Variants in TP53TG5 observed in about 807,000 individuals in gnomAD.
TP53TG5 encodes the protein TP53 target 5, also known as TP53-target gene 5 protein.
In TP53TG5, 17 loss-of-function variants were observed where a neutral mutation model predicts 30.0. The observed-to-expected ratio is 0.57, with a 90% CI of 0.39 to 0.85. TP53TG5 has a LOEUF of 0.85. Ranked by LOEUF, TP53TG5 falls within the 40% of genes least tolerant of loss-of-function variation. TP53TG5 has a pLI of 0.00. For missense variants in TP53TG5, 338 were observed against 367.9 expected, an observed-to-expected ratio of 0.92 and a Z score of 0.67; for synonymous variants, 137 against 139.2, an observed-to-expected ratio of 0.98 and a Z score of 0.11.
At position 45,375,270 on chromosome 20, in the gene TP53TG5, G is replaced by T. The variant is rs767216821; in HGVS notation, c.537C>A (p.Thr179=). The change falls in exon 4 of 5, where the codon ACC becomes ACA. Residue 179 remains threonine (T), a synonymous_variant. Transcript: ENST00000372726. ...NPGVQGRQPL[T]EGPRVIFIKP... is the part of the protein sequence containing the mutation. ...TAATGAAGATGACTCGGGGGCCCTCGGTGAGTGGTTGCCTCCCCTGGACTC... is the reference window on the plus strand; with the variant it reads ...TAATGAAGATGACTCGGGGGCCCTCTGTGAGTGGTTGCCTCCCCTGGACTC... 6.2e-7 allele frequency: 1 copy of T among 1,614,146 alleles called. No homozygotes were observed. The highest frequency in any genetic ancestry group is 8.5e-7 in the Non-Finnish European group (1 of 1,180,022).
At position 45,375,241 on chromosome 20, in the gene TP53TG5, G is replaced by A. The variant is rs1428842962; in HGVS notation, c.566C>T (p.Pro189Leu). ...TEGPRVIFIK[P>L]YRNRTPMGHM... ...CCCCATGGGAGTTCTATTGCGGTAGGGCTTAATGAAGATGACTCGGGGGCC... is the reference window on the plus strand; with the variant it reads ...CCCCATGGGAGTTCTATTGCGGTAGAGCTTAATGAAGATGACTCGGGGGCC... Residue 189 changes from proline (P) to leucine (L), a missense_variant, in exon 4 of 5, where the codon CCC becomes CTC. Coordinates refer to ENST00000372726, the MANE Select transcript of TP53TG5 (RefSeq NM_014477.3). The A allele has an allele frequency of 6.2e-7, 1 of 1,614,038 alleles. No homozygotes were observed. Among genetic ancestry groups the A allele is most frequent in the Non-Finnish European group, 8.5e-7 (1 of 1,180,034 alleles).
intron 3 of TP53TG5, chr20:45,376,918 G>C: frequency 3.2e-6 from 1 of 313,666 alleles, no homozygotes; most frequent in Non-Finnish European, 6.0e-6. Flanking sequence ...AGTGCCCCAG[G>C]GTGAAGTGAG....
intron 4 of TP53TG5, chr20:45,374,824 C>G: frequency 1.6e-6 from 1 of 611,862 alleles, no homozygotes; most frequent in Admixed American, 3.1e-5. Flanking sequence ...CATCTCCTAG[C>G]TGTATCCTGA....
intron 4 of TP53TG5, chr20:45,374,541 G>A: frequency 1.9e-6 from 1 of 517,666 alleles, no homozygotes; most frequent in Non-Finnish European, 3.4e-6. Context: ...CAAGGTGCTG[G>A]GATTACAGGC....
chr20:45,374,252 T>C (rs1361082081), intron 4 of TP53TG5: 2 of 694,126 alleles, frequency 2.9e-6, no homozygotes, highest in Admixed American at 4.2e-5. Flanking sequence ...TAAGGAACTT[T>C]CTGCTCAGAG....
Position 45,375,667 on chromosome 20 carries a change from A to C in TP53TG5, c.255-115T>G, listed in dbSNP as rs567998114. ...TTAAGAAAGGCTAGAGGGGCCTGCA[A>C]AGAAACTTCTCTACTGCCCAGAGGC... is the stretch of plus-strand genomic sequence containing the variant. On this transcript the variant is annotated intron_variant, in intron 3 of 4. Coordinates refer to ENST00000372726, the MANE Select transcript of TP53TG5 (RefSeq NM_014477.3). The C allele has an allele frequency of 3.4e-4, 447 of 1,318,960 alleles. 2 individuals carry two copies. In the South Asian group the frequency reaches 6.2e-3, roughly 18 times the overall value. 81.7% of individuals were successfully genotyped at this position (1,318,960 alleles called of 1,614,324 possible).
intron 4 of TP53TG5, chr20:45,374,409 C>A: frequency 1.7e-6 from 1 of 598,054 alleles, no homozygotes; most frequent in South Asian, 2.1e-5. Context: ...GTAGCTGATA[C>A]TACAAGCGCA....
chr20:45,375,226 G>A lies in TP53TG5; in HGVS notation c.581C>T (p.Thr194Ile). 3.7e-6 allele frequency: 6 copies of A among 1,614,216 alleles called. No homozygotes were observed. The highest frequency in any genetic ancestry group is 5.1e-6 in the Non-Finnish European group (6 of 1,180,032). The change falls in exon 4 of 5, where the codon ACT becomes ATT. Residue 194 changes from threonine (T) to isoleucine (I), a missense_variant. Thr to Ile is a moderately conservative substitution (Grantham distance 89). Coordinates refer to ENST00000372726, the MANE Select transcript of TP53TG5 (RefSeq NM_014477.3). The part of the protein sequence containing the change: ...VIFIKPYRNR[T>I]PMGHMKQLDV... ...CAGCTGCTTCATGTGCCCCATGGGA[G>A]TTCTATTGCGGTAGGGCTTAATGAA...
chr20:45,374,193 G>A (rs1988647709), intron 4 of TP53TG5, 182 bp from the exon 5 acceptor site: 2 of 672,642 alleles, frequency 3.0e-6, no homozygotes, highest in South Asian at 3.3e-5. Context: ...CCTTTCGTGG[G>A]ACTTTCATTC....
At position 45,375,659 on chromosome 20, in the gene TP53TG5, G is replaced by A; in HGVS notation, c.255-107C>T. On this transcript the variant is annotated intron_variant, in intron 3 of 4. Coordinates refer to ENST00000372726, the MANE Select transcript of TP53TG5 (RefSeq NM_014477.3). ...GGAGCCTGTTAAGAAAGGCTAGAGG[G>A]GCCTGCAAAGAAACTTCTCTACTGC... 1.5e-5 allele frequency: 21 copies of A among 1,405,910 alleles called. 2 individuals carry two copies. In the South Asian group the frequency reaches 2.7e-4, roughly 18 times the overall value. The allele number at this position is 1,405,910 out of a possible 1,614,324, so 87.1% of individuals were successfully genotyped here.
chr20:45,376,679 G>A (rs960460673), intron 3 of TP53TG5: 2 of 151,926 alleles, frequency 1.3e-5, no homozygotes, highest in African/African-American at 4.8e-5. Context: ...ATGGTACTTA[G>A]CAGGCACCAA....
intron 4 of TP53TG5, chr20:45,374,535 G>A: frequency 1.9e-6 from 1 of 522,174 alleles, no homozygotes; most frequent in Non-Finnish European, 3.4e-6. Context: ...ACCTCCCAAG[G>A]TGCTGGGATT....
intron 2 of TP53TG5, 49 bp downstream of exon 2, chr20:45,377,490 C>T (rs747338491): frequency 5.6e-6 from 9 of 1,611,550 alleles, no homozygotes; most frequent in Non-Finnish European, 7.6e-6. Flanking sequence ...GGCAGTACTG[C>T]ATGAGTATAT....
chr20:45,375,762 A>G (rs1988712571), intron 3 of TP53TG5: 12 of 600,788 alleles, frequency 2.0e-5, no homozygotes, highest in Non-Finnish European at 3.5e-5. Context: ...GGTGAAAGCC[A>G]TGACTAGTAG....
At position 45,375,106 on chromosome 20, in the gene TP53TG5, C is replaced by T. The variant is rs1988684845; in HGVS notation, c.701G>A (p.Trp234Ter). 6.2e-7 allele frequency: 1 copy of T among 1,613,986 alleles called. No individual in the cohort carries two copies. The highest frequency in any genetic ancestry group is 8.5e-7 in the Non-Finnish European group (1 of 1,180,038). Reference sequence around the variant, plus strand: ...GAAGCGGGTGCAGCGGCGCTTGACCCAACGCAGGGTGGAGGATCTGCACAT... The same window carrying T: ...GAAGCGGGTGCAGCGGCGCTTGACCTAACGCAGGGTGGAGGATCTGCACAT... ...RVMCRSSTLR[W>*]VKRRCTRFCS... The change falls in exon 4 of 5, where the codon TGG becomes TAG. Residue 234 changes from tryptophan (W) to a stop codon, truncating the protein, a stop_gained. Coordinates refer to ENST00000372726, the MANE Select transcript of TP53TG5 (RefSeq NM_014477.3). LOFTEE classifies it high-confidence loss of function.
In TP53TG5 at chr20:45,373,038, T is replaced by C. The variant is rs1988603949; in HGVS notation, c.*869A>G. 1 of 152,324 alleles carries C rather than the reference T, an allele frequency of 6.6e-6. No homozygotes were observed. The highest frequency in any genetic ancestry group is 2.4e-5 in the African/African-American group (1 of 41,460). The allele number at this position is 152,324 out of a possible 1,614,324, so 9.4% of individuals were successfully genotyped here. On this transcript the variant is annotated 3_prime_UTR_variant, in exon 5 of 5. Transcript: ENST00000372726. ...TCCCGGAGAGCTCTGTGCCCCTCGA[T>C]GGCTCCACTGCTCTCCCGAGGGCGC...
At chr20:45,377,152 A>G (rs1227487971) in intron 3 of TP53TG5, 60 bp downstream of exon 3, 2 of 1,602,784 alleles carry the variant, frequency 1.2e-6, no homozygotes, top group African/African-American at 1.3e-5. Context: ...GCCTTAGCAC[A>G]ATGCCTGTTC....
intron 4 of TP53TG5, chr20:45,374,721 C>T (rs1206598361): frequency 4.4e-6 from 2 of 453,428 alleles, no homozygotes; most frequent in Non-Finnish European, 7.8e-6. Context: ...TTATGTAGGC[C>T]TCTGACTGTG....
chr20:45,377,244 G>A lies in TP53TG5; in HGVS notation c.222C>T (p.Leu74=). The change falls in exon 3 of 5, where the codon CTC becomes CTT. Residue 74 remains leucine (L), a synonymous_variant. Coordinates refer to ENST00000372726, the MANE Select transcript of TP53TG5 (RefSeq NM_014477.3). ...KLAKRCWHSL[L]SVPKILRISS... ...AGATGCGGAGAATCTTTGGAACACT[G>A]AGCAGTGAATGCCAACACCTTTTGG... The A allele has an allele frequency of 2.5e-6, 4 of 1,614,034 alleles. No individual in the cohort carries two copies. The highest frequency in any genetic ancestry group is 3.4e-6 in the Non-Finnish European group (4 of 1,180,044).
Sources: allele counts gnomAD v4.1 joint callset, GRCh38; gene constraint gnomAD v4.1.1; transcripts MANE v1.5; gene names NCBI Gene and HGNC (gene_info 2026-07-23, HGNC 2026-07-21).